Variants in CHRDL1 observed in about 807,000 individuals in gnomAD.
CHRDL1 encodes the protein chordin like 1.
CHRDL1 carries 19 observed loss-of-function variants against 40.9 expected under a neutral mutation model. The ratio of observed to expected loss-of-function variants is 0.46; its 90% CI spans 0.32 to 0.68. The LOEUF (loss-of-function observed/expected upper bound fraction) is 0.68, where lower values mean the gene tolerates loss of function less well. Ranked by LOEUF, CHRDL1 falls within the 30% of genes least tolerant of loss-of-function variation. The pLI, the probability that CHRDL1 is intolerant of heterozygous loss-of-function variation, is 0.03. For missense variants in CHRDL1, 329 were observed against 352.1 expected (o/e 0.93, Z 0.53); for synonymous variants, 136 against 123.4 (o/e 1.10, Z -0.68).
rs745394855 is a variant in CHRDL1, at chrX:110,759,115, T to G, written c.301+546A>C. 2.6e-4 allele frequency among the ~76,000 whole-genome samples: 29 copies of G among 112,285 alleles called. No homozygotes were observed. The East Asian group carries it at 7.9e-3, about 30-fold the overall frequency. Reference sequence around the variant, plus strand: ...GTCCTAACAGTTGTGTGAAAAATTCTCTGCCTGGCTGCCCCTTAGAATTAC... The same window carrying G: ...GTCCTAACAGTTGTGTGAAAAATTCGCTGCCTGGCTGCCCCTTAGAATTAC... On this transcript the variant is annotated intron_variant, in intron 4 of 11. Coordinates refer to ENST00000372042, the MANE Select transcript of CHRDL1 (RefSeq NM_001143981.2).
chrX:110,730,233 T>C (rs181727042), intron 4 of CHRDL1, among the ~76,000 whole-genome samples: 23 of 112,327 alleles, frequency 2.0e-4, no homozygotes, highest in East Asian at 2.0e-3. Flanking sequence ...CACAGCCCTG[T>C]AGAACTTCTC....
chrX:110,707,470 G>A (rs964867137), intron 6 of CHRDL1, among the ~76,000 whole-genome samples: 1 of 111,085 alleles, frequency 9.0e-6, no homozygotes, highest in Non-Finnish European at 1.9e-5. Context: ...CAGAACAGAG[G>A]CCTCAGAAAT....
chrX:110,771,599 A>G (rs968250640), intron 2 of CHRDL1, among the ~76,000 whole-genome samples: 3 of 112,550 alleles, frequency 2.7e-5, no homozygotes, highest in South Asian at 3.6e-4. Context: ...TCATTGCCAC[A>G]GATGCAGAAA....
At chrX:110,754,456 C>CA (rs759279406) in intron 4 of CHRDL1, among the ~76,000 whole-genome samples, 6 of 112,280 alleles carry the variant, frequency 5.3e-5, no homozygotes, top group Admixed American at 4.7e-4. Flanking sequence ...CAGATATGTG[C>CA]ATATTGTATT....
chrX:110,770,344 A>G (rs904850032), intron 2 of CHRDL1, among the ~76,000 whole-genome samples: 9 of 91,295 alleles, frequency 9.9e-5, no homozygotes, highest in East Asian at 7.2e-4. Flanking sequence ...GAAGAAATCA[A>G]TAGGAAATTA....
At chrX:110,747,399 AT>A (rs2089275264) in intron 4 of CHRDL1, among the ~76,000 whole-genome samples, 1 of 59,517 alleles carries the variant, frequency 1.7e-5, no homozygotes, top group African/African-American at 7.1e-5. Flanking sequence ...AAAAAAAAAA[AT>A]CAAAACAAAA....
chrX:110,689,061 AATATATATATGTATATATAT>A (rs1470855798), intron 8 of CHRDL1, among the ~76,000 whole-genome samples: 2 of 76,250 alleles, frequency 2.6e-5, no homozygotes, highest in African/African-American at 4.6e-5. Context: ...GCAGTCCATA[AATATATATATGTATATATAT>A]ATATATATAT....
In CHRDL1 at chrX:110,679,376, C is replaced by T; in HGVS notation, c.1206G>A (p.Glu402=). The T allele has an allele frequency of 8.3e-7, 1 of 1,209,025 alleles. No homozygotes were observed. The highest frequency in any genetic ancestry group is 1.7e-5 in the African/African-American group (1 of 57,731). The stretch of plus-strand genomic sequence containing the variant: ...TCACCAGCTTGAAGTGAGGAAGCTC[C>T]TCAAACATCCTCTTGGAGATCTTCT... ...HIEKISKRMF[E]ELPHFKLVTR... The change falls in exon 11 of 12, where the codon GAG becomes GAA. Residue 402 remains glutamate, a synonymous_variant. Coordinates refer to ENST00000372042, the MANE Select transcript of CHRDL1 (RefSeq NM_001143981.2).
At chrX:110,693,160 G>A (rs1414673603) in intron 8 of CHRDL1, among the ~76,000 whole-genome samples, 2 of 109,338 alleles carry the variant, frequency 1.8e-5, no homozygotes, top group African/African-American at 6.7e-5. Flanking sequence ...TGTGTGTGGG[G>A]GTGGGGGCAG....
intron 4 of CHRDL1, among the ~76,000 whole-genome samples, chrX:110,739,203 TTCAGTTAAGAC>T (rs746545657): frequency 8.9e-6 from 1 of 112,053 alleles, no homozygotes; most frequent in Non-Finnish European, 1.9e-5. Flanking sequence ...TGATGAAGAC[TTCAGTTAAGAC>T]TCAGTCAGAC....
chrX:110,716,130 A>C (rs1418136013), intron 6 of CHRDL1, among the ~76,000 whole-genome samples: 1 of 112,392 alleles, frequency 8.9e-6, no homozygotes, highest in Non-Finnish European at 1.9e-5. Context: ...AGCAATGTTA[A>C]CTGTAGTTTC....
intron 7 of CHRDL1, among the ~76,000 whole-genome samples, chrX:110,697,814 C>A (rs866715242): frequency 9.1e-5 from 5 of 55,135 alleles, no homozygotes; most frequent in East Asian, 7.1e-4. Flanking sequence ...CCACACCACT[C>A]CACACACACA....
chrX:110,720,516 A>C (rs958888026), intron 5 of CHRDL1, among the ~76,000 whole-genome samples: 3 of 112,177 alleles, frequency 2.7e-5, no homozygotes, highest in Non-Finnish European at 5.6e-5. Context: ...GTTATTCCTT[A>C]AACCTTGTTC....
At chrX:110,769,111 C>G (rs1329067982) in intron 2 of CHRDL1, among the ~76,000 whole-genome samples, 1 of 111,955 alleles carries the variant, frequency 8.9e-6, no homozygotes, top group East Asian at 2.8e-4. Flanking sequence ...ATTCTTTACT[C>G]TCTATTCATC....
chrX:110,689,109 TATA>T, intron 8 of CHRDL1, among the ~76,000 whole-genome samples: 3 of 87,534 alleles, frequency 3.4e-5, no homozygotes, highest in East Asian at 3.6e-4. Context: ...TATATATATA[TATA>T]TTTTAAGACC....
intron 2 of CHRDL1, among the ~76,000 whole-genome samples, chrX:110,784,209 C>T (rs192356749): frequency 8.9e-6 from 1 of 111,869 alleles, no homozygotes; most frequent in East Asian, 2.8e-4. Context: ...TCTTATTTCA[C>T]TGACAATTGG....
chrX:110,697,600 A>G (rs1203716149), intron 7 of CHRDL1, among the ~76,000 whole-genome samples: 1 of 109,931 alleles, frequency 9.1e-6, no homozygotes, highest in Non-Finnish European at 1.9e-5. Context: ...TTCCCAAACC[A>G]TTGTTCTGAC....
intron 4 of CHRDL1, among the ~76,000 whole-genome samples, chrX:110,740,701 C>T (rs1166318333): frequency 1.8e-5 from 2 of 111,555 alleles, no homozygotes; most frequent in Non-Finnish European, 3.8e-5. Flanking sequence ...GCAATTTCTA[C>T]CTCTCTTCCC....
chrX:110,787,912 C>A (rs1410419877), intron 2 of CHRDL1, among the ~76,000 whole-genome samples: 1 of 112,635 alleles, frequency 8.9e-6, no homozygotes, highest in Non-Finnish European at 1.9e-5. Flanking sequence ...CAATTCAATT[C>A]TTCAACCTCA....
Sources: allele counts gnomAD v4.1 joint callset (sites outside exome capture counted in the v4.1 genomes callset), GRCh38; gene constraint gnomAD v4.1.1; transcripts MANE v1.5; gene names NCBI Gene and HGNC (gene_info 2026-07-23, HGNC 2026-07-21).